Variants in CAMSAP1 observed in about 807,000 individuals in gnomAD.
The protein encoded by CAMSAP1 is calmodulin-regulated spectrin-associated protein 1.
In CAMSAP1, 58 loss-of-function variants were observed where a neutral mutation model predicts 143.5. That is an observed-to-expected ratio of 0.40 (90% CI 0.33 to 0.50). The LOEUF (loss-of-function observed/expected upper bound fraction) is 0.50. Among genes scored for constraint, CAMSAP1 ranks in the 20% least tolerant of loss-of-function variants. CAMSAP1 has a pLI of 0.45. For synonymous variants in CAMSAP1, 945 were observed against 859.3 expected (o/e 1.10, Z -1.74); for missense variants, 1,969 against 2,115.7 (o/e 0.93, Z 1.36).
chr9:135,812,571 A>C (rs1056692523), intron 16 of CAMSAP1, among the ~76,000 whole-genome samples: 4 of 152,106 alleles, frequency 2.6e-5, no homozygotes, highest in African/African-American at 9.7e-5. Flanking sequence ...AAATGCTCTG[A>C]AATTAGGCGG....
At chr9:135,879,658 G>A (rs546510736) in intron 3 of CAMSAP1, among the ~76,000 whole-genome samples, 4 of 151,726 alleles carry the variant, frequency 2.6e-5, no homozygotes, top group Admixed American at 1.3e-4. Context: ...TTTAGGTTCA[G>A]ATTTGGCCAA....
chr9:135,814,779 T>G (rs1346716431), intron 16 of CAMSAP1, among the ~76,000 whole-genome samples: 2 of 152,294 alleles, frequency 1.3e-5, no homozygotes, highest in African/African-American at 4.8e-5. Context: ...TTCCTGGCTC[T>G]CCTCTGCCCA....
intron 8 of CAMSAP1, among the ~76,000 whole-genome samples, chr9:135,825,751 C>T (rs1207782750): frequency 6.6e-6 from 1 of 150,530 alleles, no homozygotes; most frequent in Non-Finnish European, 1.5e-5. Flanking sequence ...TCGCCAGGTG[C>T]AGACAGGCTG....
Position 135,850,313 on chromosome 9 carries a change from C to A in CAMSAP1, c.948+9G>T. Reference sequence around the variant, plus strand: ...TTTTAAAACTGCATGCCAAATAATTCGTTATTACCTTCAACACTAATGGCG... The same window carrying A: ...TTTTAAAACTGCATGCCAAATAATTAGTTATTACCTTCAACACTAATGGCG... On this transcript the variant is annotated intron_variant, in intron 6 of 16. Coordinates refer to ENST00000389532, the MANE Select transcript of CAMSAP1 (RefSeq NM_015447.4). 1 of 1,609,746 alleles carries A rather than the reference C, an allele frequency of 6.2e-7. No homozygotes were observed. Among genetic ancestry groups the A allele is most frequent in the Non-Finnish European group, 8.5e-7 (1 of 1,178,036 alleles).
chr9:135,901,167 T>C (rs1007992183), intron 1 of CAMSAP1, among the ~76,000 whole-genome samples: 1 of 152,242 alleles, frequency 6.6e-6, no homozygotes, highest in Non-Finnish European at 1.5e-5. Flanking sequence ...GGGCTCCCCA[T>C]GGCAGTTCAG....
At chr9:135,893,750 A>C (rs1326235820) in intron 1 of CAMSAP1, among the ~76,000 whole-genome samples, 1 of 152,234 alleles carries the variant, frequency 6.6e-6, no homozygotes, top group African/African-American at 2.4e-5. Context: ...TACAGACCAA[A>C]GAACTCACAG....
chr9:135,811,018 G>A lies in CAMSAP1; in HGVS notation c.*291C>T, dbSNP rs182178833. ...CGGGACCTGGCTGTGAACACCCTCC[G>A]CTGGGAGCCTCAGTGGTCAGCAGTG... On this transcript the variant is annotated 3_prime_UTR_variant, in exon 17 of 17. Coordinates refer to ENST00000389532, the MANE Select transcript of CAMSAP1 (RefSeq NM_015447.4). The surrounding 1 kb of genome is among the most constrained non-coding windows in gnomAD (Gnocchi z 4.9). The A allele has an allele frequency of 2.2e-3, 893 of 414,228 alleles. 1 individual carries two copies. The highest frequency in any genetic ancestry group is 3.0e-3 in the Non-Finnish European group (687 of 228,770). The allele number at this position is 414,228 out of a possible 1,614,324, so 25.7% of individuals were successfully genotyped here.
At chr9:135,877,867 A>G (rs1189621942) in intron 3 of CAMSAP1, among the ~76,000 whole-genome samples, 1 of 152,166 alleles carries the variant, frequency 6.6e-6, no homozygotes, top group African/African-American at 2.4e-5. Context: ...GCATCAATAA[A>G]AAATAAAAAG....
At position 135,892,932 on chromosome 9, in the gene CAMSAP1, GC is replaced by G. The variant is rs553196407; in HGVS notation, c.161-9855del. Among the ~76,000 whole-genome samples the G allele has an allele frequency of 6.2e-4, 93 of 150,338 alleles. No homozygotes were observed. The Admixed American group carries it at 6.2e-3, about 10-fold the overall frequency. ...ATCTATAATCTCAACACTTTGAGAG[GC>G]CAAGGTAGGAGGATCATTTGAGTTC... On this transcript the variant is annotated intron_variant, in intron 1 of 16. Transcript: ENST00000389532.
At chr9:135,857,170 T>C (rs777036828) in intron 5 of CAMSAP1, among the ~76,000 whole-genome samples, 2 of 152,260 alleles carry the variant, frequency 1.3e-5, no homozygotes, top group Admixed American at 6.5e-5. Context: ...CACTGGGTCC[T>C]TCCTACTTAC....
At chr9:135,828,475 G>C (rs1226074614) in intron 7 of CAMSAP1, among the ~76,000 whole-genome samples, 2 of 152,206 alleles carry the variant, frequency 1.3e-5, no homozygotes, top group African/African-American at 4.8e-5. Flanking sequence ...CTCTCCTACA[G>C]CCAGGGGCCA....
At chr9:135,867,469 A>ACCCCCC (rs371398774) in intron 3 of CAMSAP1, among the ~76,000 whole-genome samples, 1 of 123,606 alleles carries the variant, frequency 8.1e-6, no homozygotes, top group Non-Finnish European at 1.9e-5. Context: ...ACACAGCAAG[A>ACCCCCC]CCCCCCTCTT....
chr9:135,849,443 C>T (rs372722360), intron 7 of CAMSAP1, among the ~76,000 whole-genome samples: 3 of 152,288 alleles, frequency 2.0e-5, no homozygotes, highest in Middle Eastern at 3.4e-3. Flanking sequence ...TGACTGAGGC[C>T]AAGCAGCTTT....
chr9:135,904,920 G>A (rs768764375), intron 1 of CAMSAP1, among the ~76,000 whole-genome samples: 16 of 151,498 alleles, frequency 1.1e-4, no homozygotes, highest in Non-Finnish European at 2.1e-4. Flanking sequence ...AGCTGAGGTC[G>A]CGTCACTGCA....
intron 10 of CAMSAP1, 136 bp downstream of exon 10, chr9:135,823,814 T>C: frequency 1.5e-6 from 1 of 681,162 alleles, no homozygotes; most frequent in Non-Finnish European, 2.5e-6. Context: ...AGTGTTGTTA[T>C]AAAAATAATT....
chr9:135,831,972 A>G (rs1230721672), intron 7 of CAMSAP1, among the ~76,000 whole-genome samples: 4 of 152,206 alleles, frequency 2.6e-5, no homozygotes, highest in African/African-American at 7.2e-5. Context: ...CCAACAAAGA[A>G]AAAGTCCAGG....
chr9:135,821,326 T>C lies in CAMSAP1; in HGVS notation c.3335A>G (p.Asp1112Gly), dbSNP rs770663334. The C allele has an allele frequency of 6.8e-6, 11 of 1,613,448 alleles. No homozygotes were observed. The highest frequency in any genetic ancestry group is 8.5e-6 in the Non-Finnish European group (10 of 1,179,862). Residue 1112 changes from aspartate (D) to glycine (G), a missense_variant, in exon 11 of 17, where the codon GAC (aspartate) becomes GGC (glycine). Asp to Gly is a moderately conservative substitution (Grantham distance 94). Coordinates refer to ENST00000389532, the MANE Select transcript of CAMSAP1 (RefSeq NM_015447.4). This position sits in a 1 kb window ranked among gnomAD's most constrained non-coding sequence, Gnocchi z 4.6. ...ACTTCGGGAGGAGCCCTGTGGCCTGTCTTTTGGGACCTTCAGCTCCGCCGG... is the reference window on the plus strand; with the variant it reads ...ACTTCGGGAGGAGCCCTGTGGCCTGCCTTTTGGGACCTTCAGCTCCGCCGG... Reference protein sequence around the residue: ...GRPAELKVPKDRPQGSSRSKT... With the variant: ...GRPAELKVPKGRPQGSSRSKT...
intron 7 of CAMSAP1, among the ~76,000 whole-genome samples, chr9:135,839,205 C>A (rs954214954): frequency 6.6e-6 from 1 of 152,212 alleles, no homozygotes; most frequent in African/African-American, 2.4e-5. Context: ...TCTCTCCCTG[C>A]CTCCCTGCTG....
Position 135,822,069 on chromosome 9 carries a change from G to A in CAMSAP1, c.2592C>T (p.Ser864=). Residue 864 remains serine (S), a synonymous_variant, in exon 11 of 17, where the codon AGC becomes AGT. Coordinates refer to ENST00000389532, the MANE Select transcript of CAMSAP1 (RefSeq NM_015447.4). This position sits in a 1 kb window ranked among gnomAD's most constrained non-coding sequence, Gnocchi z 6.1. ...GGCTGGCGGGATCCTTGCCATGCTG[G>A]CTCGGACTCTGCTCCCTCTTCTGCC... ...TWRQKREQSP[S]QHGKDPASLL... is the part of the protein sequence containing the mutation. 1 of 1,612,434 alleles carries A rather than the reference G, an allele frequency of 6.2e-7. No individual in the cohort carries two copies.
Sources: gnomAD v4.1 joint callset for allele counts (sites outside exome capture counted in the v4.1 genomes callset) on GRCh38, gnomAD v4.1.1 for gene constraint, Gnocchi (gnomAD v3.1) non-coding constraint, MANE v1.5 for transcripts, NCBI Gene and HGNC (gene_info 2026-07-23, HGNC 2026-07-21) for gene names.